ZNF517: variants seen among roughly 807,000 people sequenced by gnomAD.
ZNF517 encodes zinc finger protein 517.
ZNF517 carries 12 observed loss-of-function variants against 12.1 expected under a neutral mutation model. The ratio of observed to expected loss-of-function variants is 0.99; its 90% confidence interval spans 0.63 to 1.61. The LOEUF is 1.61. Among genes scored for constraint, ZNF517 ranks in the 40% most tolerant of loss-of-function variants. The pLI is 0.00. For synonymous variants in ZNF517, 388 were observed against 310.2 expected, an observed-to-expected ratio of 1.25 and a Z score of -2.63; for missense variants, 781 against 693.2, an observed-to-expected ratio of 1.13 and a Z score of -1.42.
In ZNF517 at chr8:144,807,516, C is replaced by G. The variant is rs535413984; in HGVS notation, c.600C>G (p.Thr200=). The change falls in exon 5 of 5, where the codon ACC becomes ACG. Residue 200 remains threonine (T), a synonymous_variant. Coordinates refer to ENST00000359971, the MANE Select transcript of ZNF517 (RefSeq NM_213605.3). ...SLLLRHQIIH[T]GAKPFQCTEC... is the part of the protein sequence containing the mutation. ...TTCTCAGGCACCAGATCATCCACAC[C>G]GGCGCCAAGCCCTTCCAGTGCACAG... The G allele has an allele frequency of 3.1e-6, 5 of 1,592,952 alleles. No homozygotes were observed. In the East Asian group the frequency reaches 1.2e-4, roughly 37 times the overall value.
downstream of ZNF517, chr8:144,810,229 A>G: frequency 1.5e-6 from 1 of 683,074 alleles, no homozygotes; most frequent in African/African-American, 1.8e-5. Context: ...TCTTGGCCCC[A>G]CGGGGAGCAC....
chr8:144,804,259 G>C, intron 4 of ZNF517, 21 bp downstream of exon 4: 1 of 1,599,090 alleles, frequency 6.3e-7, no homozygotes, highest in Non-Finnish European at 8.5e-7. Flanking sequence ...AGCACCCACA[G>C]GGCGTGTCCT....
chr8:144,799,557 C>T lies in ZNF517; in HGVS notation c.-46+620C>T, dbSNP rs571535499. 4.6e-5 allele frequency among the ~76,000 whole-genome samples: 7 copies of T among 152,320 alleles called. No individual in the cohort carries two copies. In the South Asian group the frequency reaches 1.5e-3, roughly 32 times the overall value. On this transcript the variant is annotated intron_variant, in intron 1 of 4. Transcript: ENST00000359971. ...GCAGCAAAATAACTTCTGGTTTTGACAAGGGCCTCGCACAGAATAAACCAA... is the reference window on the plus strand; with the variant it reads ...GCAGCAAAATAACTTCTGGTTTTGATAAGGGCCTCGCACAGAATAAACCAA...
rs1160118194 is a variant in ZNF517 at position 144,807,843 on chromosome 8, C to T, written c.927C>T (p.Arg309=). ...GGTTCACCCTCAACGAGCACGGCCG[C>T]ATCCACAGCGGGGAGCGGCCCTACC... The part of the protein sequence containing the change: ...CRRFTLNEHG[R]IHSGERPYRC... The change falls in exon 5 of 5, where the codon CGC becomes CGT. Residue 309 remains arginine, a synonymous_variant. Coordinates refer to ENST00000359971, the MANE Select transcript of ZNF517 (RefSeq NM_213605.3). 6.3e-7 allele frequency: 1 copy of T among 1,599,050 alleles called. No individual in the cohort carries two copies. The highest frequency in any genetic ancestry group is 8.5e-7 in the Non-Finnish European group (1 of 1,173,068).
Position 144,807,390 on chromosome 8 carries a change from C to T in ZNF517, c.474C>T (p.Ala158=), listed in dbSNP as rs771409659. 6.4e-7 allele frequency: 1 copy of T among 1,558,876 alleles called. No homozygotes were observed. The highest frequency in any genetic ancestry group is 1.2e-5 in the South Asian group (1 of 85,332). Reference sequence around the variant, plus strand: ...ACCCCCGGGCTCGGGAGCACAGCGCCTCCCCAAGGGTTCTGCAGGAAGACC... The same window carrying T: ...ACCCCCGGGCTCGGGAGCACAGCGCTTCCCCAAGGGTTCTGCAGGAAGACC... The part of the protein sequence containing the change: ...PTHPRAREHS[A]SPRVLQEDLG... Residue 158 remains alanine (A), a synonymous_variant, in exon 5 of 5, where the codon GCC becomes GCT. Transcript: ENST00000359971.
rs2130453609 is a variant in ZNF517, at chr8:144,807,572, TC to T, written c.658del (p.Leu220CysfsTer6). ...GGGAAGGCCTTCAAGCAAAGCTCCA[TC>T]CTGCTGCGGCACCAGCTGATCCACA... ...ECGKAFKQSS[I>X]LLRHQLIHTE... On this transcript the variant is annotated frameshift_variant, in exon 5 of 5. Coordinates refer to ENST00000359971, the MANE Select transcript of ZNF517 (RefSeq NM_213605.3). LOFTEE classifies it low-confidence loss of function (END_TRUNC). The T allele has an allele frequency of 6.3e-7, 1 of 1,599,690 alleles. No homozygotes were observed. Among genetic ancestry groups the T allele is most frequent in the East Asian group, 2.3e-5 (1 of 43,858 alleles).
At chr8:144,802,353 G>A (rs1827007351) in intron 1 of ZNF517, among the ~76,000 whole-genome samples, 1 of 152,226 alleles carries the variant, frequency 6.6e-6, no homozygotes, top group South Asian at 2.1e-4. Flanking sequence ...TCCAGCCTGG[G>A]CGACAGAGCG....
At chr8:144,806,605 C>T (rs1328483942) in intron 4 of ZNF517, among the ~76,000 whole-genome samples, 2 of 152,100 alleles carry the variant, frequency 1.3e-5, no homozygotes, top group Non-Finnish European at 2.9e-5. Context: ...CTGCCTCAGC[C>T]TCCTGAGTAG....
chr8:144,803,073 C>A, intron 2 of ZNF517, 126 bp downstream of exon 2: 1 of 1,222,642 alleles, frequency 8.2e-7, no homozygotes, highest in Non-Finnish European at 1.1e-6. Context: ...AGTCTGCAAG[C>A]CGAGGACAGC....
chr8:144,807,502 C>G lies in ZNF517; in HGVS notation c.586C>G (p.Gln196Glu), dbSNP rs768136975. ...ATACAACTCGCTGCTTCTCAGGCAC[C>G]AGATCATCCACACCGGCGCCAAGCC... ...FRYNSLLLRH[Q>E]IIHTGAKPFQ... The change falls in exon 5 of 5, where the codon CAG (glutamine) becomes GAG (glutamate). Residue 196 changes from glutamine to glutamate, a missense_variant. Physicochemically the swap from Gln to Glu is conservative, Grantham distance 29 (BLOSUM62 2). Transcript: ENST00000359971. The G allele has an allele frequency of 1.3e-6, 2 of 1,590,704 alleles. No homozygotes were observed. The highest frequency in any genetic ancestry group is 2.3e-5 in the South Asian group (2 of 88,170).
At chr8:144,801,571 A>G (rs988503417) in intron 1 of ZNF517, among the ~76,000 whole-genome samples, 1 of 151,884 alleles carries the variant, frequency 6.6e-6, no homozygotes, top group Admixed American at 6.6e-5. Context: ...TCCGCCTCCC[A>G]GGTTCACGCC....
At chr8:144,803,988 T>C in intron 3 of ZNF517, 137 bp from the exon 4 acceptor site, 1 of 1,075,634 alleles carries the variant, frequency 9.3e-7, no homozygotes, top group Non-Finnish European at 1.3e-6. Flanking sequence ...CCTGGCCACC[T>C]AGCTGCCCCC....
At chr8:144,799,286 G>T (rs1022523074) in intron 1 of ZNF517, among the ~76,000 whole-genome samples, 2 of 152,200 alleles carry the variant, frequency 1.3e-5, no homozygotes, top group Non-Finnish European at 2.9e-5. Context: ...TCCGATGGCG[G>T]GCTCTTCCCG....
chr8:144,799,041 A>C (rs1305030983), intron 1 of ZNF517, 104 bp downstream of exon 1: 1 of 152,050 alleles, frequency 6.6e-6, no homozygotes, highest in Admixed American at 6.5e-5. Flanking sequence ...GGAGCTCGGC[A>C]GGGAGCGGAC....
In ZNF517 at chr8:144,807,347, G is replaced by T; in HGVS notation, c.431G>T (p.Gly144Val). ...PPHPHGGPED[G>V]SDKPTHPRAR... is the part of the protein sequence containing the mutation. ...CACCCGCATGGCGGTCCTGAGGACGGGTCAGATAAACCCACCCACCCCCGG... is the reference window on the plus strand; with the variant it reads ...CACCCGCATGGCGGTCCTGAGGACGTGTCAGATAAACCCACCCACCCCCGG... Residue 144 changes from glycine (G) to valine (V), a missense_variant, in exon 5 of 5, where the codon GGG becomes GTG. Coordinates refer to ENST00000359971, the MANE Select transcript of ZNF517 (RefSeq NM_213605.3). 2.6e-6 allele frequency: 4 copies of T among 1,555,672 alleles called. No individual in the cohort carries two copies. Among genetic ancestry groups the T allele is most frequent in the Middle Eastern group, 1.7e-4 (1 of 5,970 alleles).
intron 1 of ZNF517, among the ~76,000 whole-genome samples, chr8:144,799,937 C>G (rs1826875393): frequency 6.6e-6 from 1 of 152,152 alleles, no homozygotes; most frequent in Non-Finnish European, 1.5e-5. Flanking sequence ...GAGACTCTGT[C>G]GCAAACAACA....
intron 4 of ZNF517, among the ~76,000 whole-genome samples, chr8:144,805,558 C>T (rs1447247625): frequency 6.6e-6 from 1 of 151,888 alleles, no homozygotes; most frequent in African/African-American, 2.4e-5. Context: ...TCTCGATCTC[C>T]TGACCTTGTG....
downstream of ZNF517, among the ~76,000 whole-genome samples, chr8:144,811,761 G>C (rs1184428406): frequency 7.9e-6 from 1 of 127,364 alleles, no homozygotes; most frequent in African/African-American, 3.1e-5. Flanking sequence ...CGCTCAGCCA[G>C]GTGCAGACTG....
chr8:144,807,138 G>A, intron 4 of ZNF517, 53 bp from the exon 5 acceptor site: 1 of 1,503,094 alleles, frequency 6.7e-7, no homozygotes. Flanking sequence ...CAAGAAGTTC[G>A]TTTGTGAGTG....
Sources: gnomAD v4.1 joint callset for allele counts (sites outside exome capture counted in the v4.1 genomes callset) on GRCh38, gnomAD v4.1.1 for gene constraint, MANE v1.5 for transcripts, NCBI Gene and HGNC (gene_info 2026-07-23, HGNC 2026-07-21) for gene names.